Variants in CFAP96 observed in about 807,000 individuals in gnomAD.
The protein encoded by CFAP96 is cilia-and flagella-associated protein 96.
chr4:185,415,271 C>G, the CFAP96 span: 2 of 1,601,014 alleles, frequency 1.2e-6, no homozygotes, highest in South Asian at 2.3e-5. Flanking sequence ...ATAGATGTTC[C>G]TTTCATATAT....
the CFAP96 span, among the ~76,000 whole-genome samples, chr4:185,417,678 C>T: frequency 9.6e-4 from 146 of 152,286 alleles, 1 homozygote; most frequent in African/African-American, 3.5e-3. Flanking sequence ...GAAGACGCAT[C>T]TCCATTTTCT....
At chr4:185,440,065 C>A in the CFAP96 span, among the ~76,000 whole-genome samples, 1 of 149,388 alleles carries the variant, frequency 6.7e-6, no homozygotes, top group Non-Finnish European at 1.5e-5. Context: ...ATATACGTAT[C>A]TCATATATAC....
the CFAP96 span, among the ~76,000 whole-genome samples, chr4:185,443,921 CTTTTTTTTTTTTTTTTTTTTTTTTTTT>C: frequency 2.4e-5 from 2 of 82,810 alleles, no homozygotes; most frequent in African/African-American, 4.7e-5. Context: ...CTATATCTTT[CTTTTTTTTTTTTTTTTTTTTTTTTTTT>C]TTTTTTTTTT....
the CFAP96 span, chr4:185,426,328 AAGCTGGGGCAACCTGGACG>A: frequency 1.6e-4 from 26 of 157,844 alleles, no homozygotes; most frequent in Admixed American, 4.5e-4. Context: ...TAACGTGGAC[AAGCTGGGGCAACCTGGACG>A]AGCTGGGGCA....
the CFAP96 span, among the ~76,000 whole-genome samples, chr4:185,432,758 G>A: frequency 6.6e-6 from 1 of 152,058 alleles, no homozygotes; most frequent in Non-Finnish European, 1.5e-5. Context: ...AGCTACTCAG[G>A]AGGCTGAGGT....
At chr4:185,429,356 C>A in the CFAP96 span, 1 of 1,036,642 alleles carries the variant, frequency 9.6e-7, no homozygotes, top group South Asian at 1.9e-5. Flanking sequence ...AAACACGTGA[C>A]CCTAGGGAAA....
At chr4:185,409,303 TCTTA>T in the CFAP96 span, among the ~76,000 whole-genome samples, 1 of 152,216 alleles carries the variant, frequency 6.6e-6, no homozygotes, top group Admixed American at 6.5e-5. Context: ...TCATATAAAT[TCTTA>T]CTTATAGTGC....
At chr4:185,409,253 A>G in the CFAP96 span, among the ~76,000 whole-genome samples, 6 of 151,450 alleles carry the variant, frequency 4.0e-5, no homozygotes, top group Non-Finnish European at 8.9e-5. Flanking sequence ...GATGACGCTA[A>G]GTTAAGGGTC....
At chr4:185,425,931 G>GT in the CFAP96 span, 1 of 1,560,262 alleles carries the variant, frequency 6.4e-7, no homozygotes, top group Non-Finnish European at 8.7e-7. Flanking sequence ...GGCCGGCCCT[G>GT]AAGTGGTGTC....
the CFAP96 span, among the ~76,000 whole-genome samples, chr4:185,419,861 T>A: frequency 1.3e-5 from 2 of 152,256 alleles, no homozygotes; most frequent in Non-Finnish European, 2.9e-5. Context: ...ATATATATGC[T>A]GCCATGAACA....
At chr4:185,410,425 G>T in the CFAP96 span, among the ~76,000 whole-genome samples, 1 of 150,370 alleles carries the variant, frequency 6.7e-6, no homozygotes, top group African/African-American at 2.5e-5. Flanking sequence ...CGAGTGGGTA[G>T]ATCACCTAAA....
chr4:185,428,268 G>A, the CFAP96 span, among the ~76,000 whole-genome samples: 3 of 151,046 alleles, frequency 2.0e-5, no homozygotes, highest in Non-Finnish European at 4.4e-5. Context: ...AAAATAACAT[G>A]TCTACTATTA....
chr4:185,420,911 ATCTACTGATTAATGGATTAAT>A, the CFAP96 span, among the ~76,000 whole-genome samples: 2 of 152,250 alleles, frequency 1.3e-5, no homozygotes, highest in Non-Finnish European at 2.9e-5. Flanking sequence ...TTATTGGATT[ATCTACTGATTAATGGATTAAT>A]TCTACTTTGG....
the CFAP96 span, among the ~76,000 whole-genome samples, chr4:185,445,902 C>G: frequency 6.6e-6 from 1 of 152,080 alleles, no homozygotes; most frequent in Non-Finnish European, 1.5e-5. Flanking sequence ...GGTACAATGG[C>G]GTGATCTCGG....
chr4:185,414,305 T>C, the CFAP96 span, among the ~76,000 whole-genome samples: 1 of 152,216 alleles, frequency 6.6e-6, no homozygotes, highest in Non-Finnish European at 1.5e-5. Flanking sequence ...TTGTAAGTGG[T>C]AGTGATTAAA....
the CFAP96 span, among the ~76,000 whole-genome samples, chr4:185,424,689 T>A: frequency 4.6e-4 from 70 of 152,344 alleles, 1 homozygote; most frequent in Admixed American, 3.3e-3. Flanking sequence ...AACTAGTATG[T>A]ACCCATTTAA....
the CFAP96 span, among the ~76,000 whole-genome samples, chr4:185,443,338 ATATATTTT>A: frequency 3.1e-5 from 1 of 32,118 alleles, no homozygotes; most frequent in African/African-American, 9.4e-5. Flanking sequence ...ATATATATAT[ATATATTTT>A]TTTTTTTTTT....
At chr4:185,419,310 T>G in the CFAP96 span, among the ~76,000 whole-genome samples, 1 of 152,162 alleles carries the variant, frequency 6.6e-6, no homozygotes, top group Admixed American at 6.5e-5. Flanking sequence ...TTTTGTATTT[T>G]TAGTAGAGAC....
the CFAP96 span, among the ~76,000 whole-genome samples, chr4:185,447,834 G>C: frequency 6.6e-6 from 1 of 152,116 alleles, no homozygotes; most frequent in African/African-American, 2.4e-5. Context: ...ATACCAAATA[G>C]AAGCTAAACT....
Sources: gnomAD v4.1 joint callset for allele counts (sites outside exome capture counted in the v4.1 genomes callset) on GRCh38, gnomAD v4.1.1 for gene constraint, MANE v1.5 for transcripts, NCBI Gene and HGNC (gene_info 2026-07-23, HGNC 2026-07-21) for gene names.